The following MAST4 variants were observed in gnomAD, a reference collection of about 807,000 sequenced individuals.
The protein encoded by MAST4 is microtubule-associated serine/threonine-protein kinase 4.
A neutral mutation model predicts 162.7 loss-of-function variants in MAST4; 89 were observed. The ratio of observed to expected loss-of-function variants is 0.55; its 90% CI spans 0.46 to 0.65. The LOEUF (loss-of-function observed/expected upper bound fraction) is 0.65. Among genes scored for constraint, MAST4 ranks in the 30% least tolerant of loss-of-function variants. The probability of loss-of-function intolerance (pLI) is 0.00; values close to 1 mark genes in which losing one functional copy is unlikely to be tolerated. For synonymous variants in MAST4, 1,479 were observed against 1,361.1 expected, an observed-to-expected ratio of 1.09 and a Z score of -1.91; for missense variants, 3,153 against 3,374.0, an observed-to-expected ratio of 0.93 and a Z score of 1.62.
At chr5:67,009,277 A>G (rs1752397812) in intron 4 of MAST4, among the ~76,000 whole-genome samples, 1 of 152,210 alleles carries the variant, frequency 6.6e-6, no homozygotes, top group South Asian at 2.1e-4. Flanking sequence ...GTTTTGAAAG[A>G]TATTTGCTGT....
intron 21 of MAST4, 170 bp downstream of exon 21, chr5:67,142,703 C>G: frequency 1.7e-6 from 1 of 578,902 alleles, no homozygotes; most frequent in Non-Finnish European, 3.1e-6. Flanking sequence ...TAGTCTGTCC[C>G]TATCCCCTAG....
intron 5 of MAST4, among the ~76,000 whole-genome samples, chr5:67,087,275 G>A (rs534350064): frequency 6.6e-6 from 1 of 152,144 alleles, no homozygotes; most frequent in South Asian, 2.1e-4. Flanking sequence ...ATCTGCTAAC[G>A]ACTATGCTTG....
intron 3 of MAST4, among the ~76,000 whole-genome samples, chr5:66,835,518 T>C (rs1011395488): frequency 2.0e-5 from 3 of 152,144 alleles, no homozygotes; most frequent in Admixed American, 6.5e-5. Context: ...ATTTTTGATA[T>C]TGCATTTAAA....
At position 67,169,514 on chromosome 5, in the gene MAST4, C is replaced by T. The variant is rs1015862653; in HGVS notation, c.*2463C>T. 1.3e-5 allele frequency: 2 copies of T among 152,096 alleles called. No individual in the cohort carries two copies. Among genetic ancestry groups the T allele is most frequent in the South Asian group, 2.1e-4 (1 of 4,828 alleles). The allele number at this position is 152,096 out of a possible 1,614,324, so 9.4% of individuals were successfully genotyped here. ...TTTTCTCTAAGAAATTCCTTATGGA[C>T]GTCATAATTGTTGTATATTGAACAA... On this transcript the variant is annotated 3_prime_UTR_variant, in exon 29 of 29. Coordinates refer to ENST00000403625, the MANE Select transcript of MAST4 (RefSeq NM_001164664.2).
intron 26 of MAST4, among the ~76,000 whole-genome samples, chr5:67,155,848 T>A (rs1772423856): frequency 6.6e-6 from 1 of 151,958 alleles, no homozygotes; most frequent in Admixed American, 6.6e-5. Context: ...GATCACGAGG[T>A]CAGGAGTTCA....
chr5:67,078,798 A>T (rs1762048692), intron 5 of MAST4, among the ~76,000 whole-genome samples: 1 of 128,484 alleles, frequency 7.8e-6, no homozygotes, highest in South Asian at 2.2e-4. Flanking sequence ...ATCTAAATAT[A>T]TTTATTTATA....
intron 21 of MAST4, among the ~76,000 whole-genome samples, chr5:67,143,569 G>A (rs1389909421): frequency 1.3e-5 from 2 of 152,204 alleles, no homozygotes; most frequent in Admixed American, 1.3e-4. Flanking sequence ...CATGATTATT[G>A]TTTAGCTTTT....
intron 3 of MAST4, among the ~76,000 whole-genome samples, chr5:66,837,499 G>C (rs1758060658): frequency 6.6e-6 from 1 of 152,010 alleles, no homozygotes; most frequent in Non-Finnish European, 1.5e-5. Flanking sequence ...TCAATGAAAG[G>C]TCCTTCAAGG....
intron 3 of MAST4, among the ~76,000 whole-genome samples, chr5:66,844,204 CG>C (rs1375851656): frequency 1.7e-5 from 2 of 120,794 alleles, no homozygotes; most frequent in African/African-American, 3.2e-5. Context: ...TGTGTTGGGG[CG>C]GGGGGATTAT....
At chr5:66,738,052 T>G (rs78616012) in intron 1 of MAST4, 197 of 152,248 alleles carry the variant, frequency 1.3e-3, no homozygotes, top group African/African-American at 4.3e-3. Flanking sequence ...GCTGACAAAT[T>G]CAACCACAGA....
intron 1 of MAST4, among the ~76,000 whole-genome samples, chr5:66,629,194 C>G (rs1391837425): frequency 6.6e-6 from 1 of 152,180 alleles, no homozygotes; most frequent in African/African-American, 2.4e-5. Context: ...TGGGCTTTTA[C>G]TGGAATCCGT....
chr5:66,978,729 C>T (rs1368368461), intron 4 of MAST4, among the ~76,000 whole-genome samples: 1 of 152,066 alleles, frequency 6.6e-6, no homozygotes, highest in Non-Finnish European at 1.5e-5. Context: ...AGCCAGCTTG[C>T]CTGAGAGCTA....
chr5:66,723,206 T>G (rs1377571011), intron 1 of MAST4, among the ~76,000 whole-genome samples: 1 of 152,138 alleles, frequency 6.6e-6, no homozygotes, highest in African/African-American at 2.4e-5. Flanking sequence ...AGGAATCTGT[T>G]AAGGTATAAG....
intron 4 of MAST4, among the ~76,000 whole-genome samples, chr5:67,036,771 A>C (rs1296905701): frequency 6.6e-6 from 1 of 152,186 alleles, no homozygotes; most frequent in Non-Finnish European, 1.5e-5. Context: ...ATTTGTTTGA[A>C]TCCATGAATG....
At chr5:67,024,823 G>A (rs1032080544) in intron 4 of MAST4, among the ~76,000 whole-genome samples, 1 of 145,262 alleles carries the variant, frequency 6.9e-6, no homozygotes, top group Non-Finnish European at 1.5e-5. Flanking sequence ...TTTCTTTTGG[G>A]GATCCCATGT....
intron 4 of MAST4, among the ~76,000 whole-genome samples, chr5:66,910,957 A>G (rs1274244878): frequency 6.6e-6 from 1 of 152,162 alleles, no homozygotes; most frequent in East Asian, 1.9e-4. Context: ...CATGTTGGCC[A>G]GGATGGTCTC....
intron 3 of MAST4, among the ~76,000 whole-genome samples, chr5:66,840,546 A>G (rs575039759): frequency 4.8e-4 from 23 of 47,584 alleles, no homozygotes; most frequent in African/African-American, 1.6e-3. Flanking sequence ...ATAGACATGT[A>G]CATTCATTCC....
chr5:66,700,229 C>G (rs1171366348), intron 1 of MAST4, among the ~76,000 whole-genome samples: 1 of 152,134 alleles, frequency 6.6e-6, no homozygotes, highest in South Asian at 2.1e-4. Context: ...ATTATATTAC[C>G]TTTGCATTTC....
At chr5:66,825,499 TC>T (rs1226444371) in intron 3 of MAST4, among the ~76,000 whole-genome samples, 8 of 152,192 alleles carry the variant, frequency 5.3e-5, no homozygotes, top group Admixed American at 1.3e-4. Context: ...GGAACCCATA[TC>T]CTTGTACCAA....
Sources: gnomAD v4.1 joint callset for allele counts (sites outside exome capture counted in the v4.1 genomes callset) on GRCh38, gnomAD v4.1.1 for gene constraint, MANE v1.5 for transcripts, NCBI Gene and HGNC (gene_info 2026-07-23, HGNC 2026-07-21) for gene names.